Variants in ZNF223 observed in about 807,000 individuals in gnomAD.
ZNF223 encodes the protein Homo sapiens zinc finger protein 223.
A neutral mutation model predicts 12.3 loss-of-function variants in ZNF223; 9 were observed. The observed-to-expected ratio is 0.73, with a 90% CI of 0.44 to 1.28. The LOEUF (loss-of-function observed/expected upper bound fraction) is 1.28. ZNF223 is among the 50% of genes most tolerant of loss of function. The pLI, the probability that ZNF223 is intolerant of heterozygous loss-of-function variation, is 0.00. For missense variants in ZNF223, 506 were observed against 579.0 expected (o/e 0.87, Z 1.29); for synonymous variants, 171 against 195.2 (o/e 0.88, Z 1.03).
intron 4 of ZNF223, among the ~76,000 whole-genome samples, chr19:44,065,027 T>G (rs1477092197): frequency 6.6e-6 from 1 of 152,224 alleles, no homozygotes; most frequent in African/African-American, 2.4e-5. Context: ...AGACCTACAT[T>G]AAATCACATC....
Position 44,053,608 on chromosome 19 carries a change from T to C in ZNF223, c.-69+1413T>C, listed in dbSNP as rs372371477. ...TTCCCAGGGATGAGCAGGAGACAGA[T>C]GCCTTCCTCTTACCTCAACTGCAAA... On this transcript the variant is annotated intron_variant, in intron 1 of 4. Transcript: ENST00000434772. Among the ~76,000 whole-genome samples the C allele has an allele frequency of 3.9e-5, 6 of 152,294 alleles. No individual in the cohort carries two copies. The South Asian group carries it at 1.2e-3, about 32-fold the overall frequency.
intron 1 of ZNF223, among the ~76,000 whole-genome samples, chr19:44,054,166 C>T (rs1453336571): frequency 6.6e-6 from 1 of 150,938 alleles, no homozygotes; most frequent in Non-Finnish European, 1.5e-5. Flanking sequence ...GTTAAGATGC[C>T]CTTTTCTTTT....
At chr19:44,062,168 C>A (rs1976849792) in intron 4 of ZNF223, among the ~76,000 whole-genome samples, 1 of 152,074 alleles carries the variant, frequency 6.6e-6, no homozygotes, top group Non-Finnish European at 1.5e-5. Context: ...AATACATGAA[C>A]CAGAGTGTAT....
intron 3 of ZNF223, 28 bp downstream of exon 3, chr19:44,060,609 A>C: frequency 3.1e-6 from 5 of 1,613,826 alleles, no homozygotes; most frequent in Non-Finnish European, 4.2e-6. Context: ...CTATAAGGGA[A>C]TGTCAGGCCC....
intron 2 of ZNF223, among the ~76,000 whole-genome samples, chr19:44,057,515 A>G (rs1379105828): frequency 6.6e-6 from 1 of 152,228 alleles, no homozygotes; most frequent in Admixed American, 6.5e-5. Flanking sequence ...AATAAGTAAT[A>G]CCAGCTAATG....
At position 44,066,340 on chromosome 19, in the gene ZNF223, C is replaced by T. The variant is rs1976912337; in HGVS notation, c.512C>T (p.Ser171Leu). 3 of 1,614,256 alleles carry T rather than the reference C, an allele frequency of 1.9e-6. No individual in the cohort carries two copies. The highest frequency in any genetic ancestry group is 2.5e-6 in the Non-Finnish European group (3 of 1,180,048). The change falls in exon 5 of 5, where the codon TCA (serine) becomes TTA (leucine). Residue 171 changes from serine (S) to leucine (L), a missense_variant. By Grantham distance (145) the Ser-to-Leu change is moderately radical. Transcript: ENST00000434772. ...SIFDLPQQIR[S>L]AEKSHSCDEC... is the part of the protein sequence containing the mutation. ...TTTGATCTTCCTCAGCAAATACGCT[C>T]AGCAGAGAAGTCTCATTCCTGTGAT...
intron 2 of ZNF223, among the ~76,000 whole-genome samples, chr19:44,056,191 A>G (rs74679549): frequency 0.22 from 33,893 of 151,306 alleles, 3,904 homozygotes; most frequent in Admixed American, 0.27. Context: ...CTTATCTCCA[A>G]ATTCCTCCTT....
At position 44,067,208 on chromosome 19, in the gene ZNF223, CTG is replaced by C. The variant is rs780832486; in HGVS notation, c.1383_1384del (p.Cys461TrpfsTer11). The C allele has an allele frequency of 6.2e-6, 10 of 1,609,380 alleles. No homozygotes were observed. The highest frequency in any genetic ancestry group is 8.5e-6 in the Non-Finnish European group (10 of 1,178,918). ...SGENPSKCEDCGKRYKRRLNL... is the reference protein window; with the variant it reads ...SGENPSKCEDXGKRYKRRLNL... ...GAGAAAATCCATCCAAATGTGAAGA[CTG>C]TGGGAAGCGCTACAAGAGGCGCTTG... On this transcript the variant is annotated frameshift_variant, in exon 5 of 5. Transcript: ENST00000434772. LOFTEE classifies it high-confidence loss of function.
In ZNF223 at chr19:44,067,502, C is replaced by G. The variant is rs777622994; in HGVS notation, c.*225C>G. ...AACTTCTTCCTCTTATCTACCTGTA[C>G]TTTTGCATCCATTAGCCAACCTTTG... On this transcript the variant is annotated 3_prime_UTR_variant, in exon 5 of 5. Coordinates refer to ENST00000434772, the MANE Select transcript of ZNF223 (RefSeq NM_013361.6). The G allele has an allele frequency of 3.3e-6, 2 of 614,696 alleles. No homozygotes were observed. The highest frequency in any genetic ancestry group is 5.9e-6 in the Non-Finnish European group (2 of 340,952). The allele number at this position is 614,696 out of a possible 1,614,324, so 38.1% of individuals were successfully genotyped here. A position where few individuals can be genotyped will look rare whatever the true frequency, so the allele number is the denominator to read the frequency against.
At position 44,052,167 on chromosome 19, in the gene ZNF223, A is replaced by G. The variant is rs1039998556; in HGVS notation, c.-97A>G. ...ATCGATGATCGTCTCAGGGGAAAAG[A>G]AGCCTTGGCGAAGAGCAGAGGTTTA... On this transcript the variant is annotated 5_prime_UTR_variant, in exon 1 of 5. Transcript: ENST00000434772. The G allele has an allele frequency of 6.5e-6, 1 of 154,312 alleles. No individual in the cohort carries two copies. The highest frequency in any genetic ancestry group is 2.4e-5 in the African/African-American group (1 of 41,454). The allele number at this position is 154,312 out of a possible 1,614,324, so 9.6% of individuals were successfully genotyped here.
At chr19:44,065,766 C>T (rs562838301) in intron 4 of ZNF223, among the ~76,000 whole-genome samples, 5 of 151,716 alleles carry the variant, frequency 3.3e-5, no homozygotes, top group Admixed American at 6.6e-5. Context: ...TTAATAGAGA[C>T]GGGGTTTCAC....
intron 1 of ZNF223, among the ~76,000 whole-genome samples, chr19:44,054,431 C>T (rs895208564): frequency 6.6e-6 from 1 of 151,994 alleles, no homozygotes; most frequent in Admixed American, 6.6e-5. Context: ...TAAAAAAGAG[C>T]TTCCATTTCT....
chr19:44,056,531 C>CAAAA (rs370032044), intron 2 of ZNF223, among the ~76,000 whole-genome samples: 7 of 76,014 alleles, frequency 9.2e-5, no homozygotes, highest in African/African-American at 3.8e-4. Context: ...GACTCTGTCT[C>CAAAA]AAAAAAAAAA....
At chr19:44,056,035 G>C (rs552205017) in intron 2 of ZNF223, among the ~76,000 whole-genome samples, 1 of 152,176 alleles carries the variant, frequency 6.6e-6, no homozygotes, top group East Asian at 1.9e-4. Context: ...TGGATGTCTG[G>C]AGTGCTCCCT....
At position 44,055,111 on chromosome 19, in the gene ZNF223, A is replaced by G; in HGVS notation, c.-66A>G. On this transcript the variant is annotated splice_region_variant and 5_prime_UTR_variant, in exon 2 of 5. Transcript: ENST00000434772. ...TCTGTCTTCATGGCACTTTCCAGGC[A>G]CAATTCTGCTTTCCCTGGAACTGTG... 2.6e-6 allele frequency: 4 copies of G among 1,564,024 alleles called. No individual in the cohort carries two copies. Among genetic ancestry groups the G allele is most frequent in the Non-Finnish European group, 3.5e-6 (4 of 1,139,038 alleles).
At chr19:44,055,971 A>T (rs1976757827) in intron 2 of ZNF223, among the ~76,000 whole-genome samples, 1 of 152,260 alleles carries the variant, frequency 6.6e-6, no homozygotes, top group African/African-American at 2.4e-5. Context: ...CAAGTGAAAG[A>T]GAGAGACGAG....
intron 4 of ZNF223, chr19:44,063,470 T>G (rs1044938451): frequency 6.6e-6 from 1 of 152,362 alleles, no homozygotes; most frequent in African/African-American, 2.4e-5. Flanking sequence ...TAGCAGCCCC[T>G]GCCCTCTTGG....
intron 4 of ZNF223, among the ~76,000 whole-genome samples, 190 bp from the exon 5 acceptor site, chr19:44,065,874 G>A (rs1976902863): frequency 1.3e-5 from 2 of 152,120 alleles, no homozygotes; most frequent in African/African-American, 2.4e-5. Flanking sequence ...GGGATTATGG[G>A]TGTGAGCCAC....
intron 1 of ZNF223, among the ~76,000 whole-genome samples, chr19:44,052,636 A>T (rs892681337): frequency 2.0e-5 from 3 of 152,164 alleles, no homozygotes; most frequent in Non-Finnish European, 4.4e-5. Context: ...AAATTTGCCA[A>T]GTGTTTACAT....
Sources: allele counts gnomAD v4.1 joint callset (sites outside exome capture counted in the v4.1 genomes callset), GRCh38; gene constraint gnomAD v4.1.1; transcripts MANE v1.5; gene names NCBI Gene and HGNC (gene_info 2026-07-23, HGNC 2026-07-21).